The following CACNG5 variants were observed in gnomAD, a reference collection of about 807,000 sequenced individuals.
CACNG5 encodes calcium voltage-gated channel auxiliary subunit gamma 5.
CACNG5 carries 18 observed loss-of-function variants against 24.8 expected under a neutral mutation model. The ratio of observed to expected loss-of-function variants is 0.73; its 90% CI spans 0.50 to 1.08. CACNG5 has a LOEUF of 1.08. Ranked by LOEUF, CACNG5 falls within the 50% of genes least tolerant of loss-of-function variation. CACNG5 has a pLI of 0.00. For synonymous variants in CACNG5, 157 were observed against 149.1 expected (o/e 1.05, Z -0.39); for missense variants, 349 against 367.9 (o/e 0.95, Z 0.42).
intron 1 of CACNG5, among the ~76,000 whole-genome samples, chr17:66,867,353 G>A (rs753897773): frequency 1.2e-4 from 18 of 152,014 alleles, no homozygotes; most frequent in Middle Eastern, 3.2e-3. Context: ...TAAGTTCCTT[G>A]TAAATTCTGG....
chr17:66,882,999 C>A (rs1226845984), intron 4 of CACNG5, among the ~76,000 whole-genome samples: 1 of 152,048 alleles, frequency 6.6e-6, no homozygotes, highest in Non-Finnish European at 1.5e-5. Flanking sequence ...ACACACCTAC[C>A]CACTCTTCTT....
chr17:66,868,869 G>A (rs1470507864), intron 1 of CACNG5, among the ~76,000 whole-genome samples: 2 of 152,118 alleles, frequency 1.3e-5, no homozygotes, highest in African/African-American at 4.8e-5. Context: ...TCTCCAATTT[G>A]TTGATATGGA....
At chr17:66,863,878 T>G (rs142227903) in intron 1 of CACNG5, among the ~76,000 whole-genome samples, 1 of 152,352 alleles carries the variant, frequency 6.6e-6, no homozygotes, top group East Asian at 1.9e-4. Context: ...ATATTTTTAC[T>G]GGACAGGACA....
At chr17:66,836,844 C>G (rs140580395) in intron 1 of CACNG5, among the ~76,000 whole-genome samples, 2 of 152,338 alleles carry the variant, frequency 1.3e-5, no homozygotes, top group African/African-American at 4.8e-5. Context: ...CTGGCTGCAC[C>G]CCAGGCCCCA....
Position 66,893,697 on chromosome 17 carries a change from A to T in CACNG5, c.*8457A>T, listed in dbSNP as rs1008390888. Among the ~76,000 whole-genome samples, 2 of 152,198 alleles carry T rather than the reference A, an allele frequency of 1.3e-5. No individual in the cohort carries two copies. Among genetic ancestry groups the T allele is most frequent in the South Asian group, 4.1e-4 (2 of 4,828 alleles). ...CCAGGGCACCATGGAGCAAATGGCCAGTGGGTGTGCCATGGCAGGTGAGAC... is the reference window on the plus strand; with the variant it reads ...CCAGGGCACCATGGAGCAAATGGCCTGTGGGTGTGCCATGGCAGGTGAGAC... On this transcript the variant is annotated 3_prime_UTR_variant, in exon 6 of 6. Transcript: ENST00000533854.
intron 1 of CACNG5, among the ~76,000 whole-genome samples, chr17:66,839,360 A>C (rs1465910561): frequency 2.0e-5 from 3 of 152,164 alleles, no homozygotes; most frequent in Non-Finnish European, 4.4e-5. Flanking sequence ...GGATACAGCT[A>C]GAAAGAAAGA....
At chr17:66,838,957 A>ATTTTTTTTTTTTTTT (rs1435457390) in intron 1 of CACNG5, among the ~76,000 whole-genome samples, 3 of 61,500 alleles carry the variant, frequency 4.9e-5, no homozygotes, top group African/African-American at 8.6e-5. Flanking sequence ...TCCCTCACCC[A>ATTTTTTTTTTTTTTT]TTCTTTTTTT....
At chr17:66,861,363 T>C (rs1355097236) in intron 1 of CACNG5, among the ~76,000 whole-genome samples, 2 of 152,264 alleles carry the variant, frequency 1.3e-5, no homozygotes, top group African/African-American at 4.8e-5. Context: ...TTAAGCTTGT[T>C]ACATGTGTTA....
intron 4 of CACNG5, among the ~76,000 whole-genome samples, chr17:66,881,067 A>G (rs1220064560): frequency 6.6e-6 from 1 of 152,206 alleles, no homozygotes; most frequent in Admixed American, 6.5e-5. Context: ...TTAACTCCCA[A>G]AAGGCTCTGC....
In CACNG5 at chr17:66,885,034, G is replaced by T; in HGVS notation, c.622G>T (p.Asp208Tyr). The change falls in exon 6 of 6, where the codon GAC becomes TAC. Residue 208 changes from aspartate (D) to tyrosine (Y), a missense_variant. Physicochemically the swap from Asp to Tyr is radical, Grantham distance 160. Transcript: ENST00000533854. ...YLFMKRYTAE[D>Y]MYRPHPGFYR... is the part of the protein sequence containing the mutation. ...GTTTATGAAGCGGTACACCGCGGAG[G>T]ACATGTACAGGCCCCACCCTGGCTT... 6.2e-7 allele frequency: 1 copy of T among 1,614,158 alleles called. No individual in the cohort carries two copies. Among genetic ancestry groups the T allele is most frequent in the African/African-American group, 1.3e-5 (1 of 75,026 alleles).
chr17:66,878,489 C>A (rs1318546482), intron 2 of CACNG5, among the ~76,000 whole-genome samples: 1 of 152,246 alleles, frequency 6.6e-6, no homozygotes, highest in Admixed American at 6.5e-5. Context: ...ACTCTGGCTT[C>A]TTCTGCCTCA....
rs994892056 is a variant in CACNG5, at chr17:66,892,799, A to G, written c.*7559A>G. ...AAACCACATAAGGTGAGTAGCAGCT[A>G]TTCAATCCATAGCATTTCTCAGTGT... On this transcript the variant is annotated 3_prime_UTR_variant, in exon 6 of 6. Coordinates refer to ENST00000533854, the MANE Select transcript of CACNG5 (RefSeq NM_145811.3). Among the ~76,000 whole-genome samples the G allele has an allele frequency of 1.8e-4, 27 of 152,244 alleles. No individual in the cohort carries two copies. The highest frequency in any genetic ancestry group is 6.3e-4 in the African/African-American group (26 of 41,470).
intron 1 of CACNG5, among the ~76,000 whole-genome samples, chr17:66,861,244 A>C (rs572507655): frequency 1.8e-4 from 27 of 152,368 alleles, no homozygotes; most frequent in African/African-American, 6.3e-4. Context: ...TCACATACAC[A>C]GGAAGAAATG....
intron 1 of CACNG5, among the ~76,000 whole-genome samples, chr17:66,861,766 G>C (rs1163322365): frequency 1.3e-5 from 2 of 152,194 alleles, no homozygotes; most frequent in Non-Finnish European, 2.9e-5. Flanking sequence ...TGAGCATTTG[G>C]TGTTCAGCTG....
At chr17:66,835,706 G>T (rs372671745) in intron 1 of CACNG5, among the ~76,000 whole-genome samples, 124 of 152,246 alleles carry the variant, frequency 8.1e-4, no homozygotes, top group African/African-American at 2.7e-3. Flanking sequence ...CTGCAGGGTG[G>T]CCTCATTTCT....
chr17:66,883,871 C>T (rs149191320), intron 4 of CACNG5, among the ~76,000 whole-genome samples: 2 of 152,326 alleles, frequency 1.3e-5, no homozygotes, highest in African/African-American at 4.8e-5. Context: ...CAGTGGCTCA[C>T]ACCTGTAATC....
At chr17:66,874,555 T>C (rs1977050039) in intron 1 of CACNG5, among the ~76,000 whole-genome samples, 1 of 152,162 alleles carries the variant, frequency 6.6e-6, no homozygotes, top group Admixed American at 6.5e-5. Flanking sequence ...AATTCATTCC[T>C]TCAAACTAAT....
chr17:66,837,621 A>G (rs1349503284), intron 1 of CACNG5, among the ~76,000 whole-genome samples: 1 of 152,244 alleles, frequency 6.6e-6, no homozygotes, highest in East Asian at 1.9e-4. Context: ...CTGATGCTTA[A>G]TATCCCACCA....
chr17:66,878,231 T>A (rs562099165), intron 2 of CACNG5, among the ~76,000 whole-genome samples: 41 of 152,372 alleles, frequency 2.7e-4, no homozygotes, highest in Non-Finnish European at 5.7e-4. Flanking sequence ...AGAAAAGCAT[T>A]TCCAAGTCAT....
Sources: gnomAD v4.1 joint callset for allele counts (sites outside exome capture counted in the v4.1 genomes callset) on GRCh38, gnomAD v4.1.1 for gene constraint, MANE v1.5 for transcripts, NCBI Gene and HGNC (gene_info 2026-07-23, HGNC 2026-07-21) for gene names.